Variants in MYH10 observed in about 807,000 individuals in gnomAD.
MYH10 encodes the protein myosin heavy chain 10, also known as myosin-10.
In MYH10, 55 loss-of-function variants were observed where a neutral mutation model predicts 257.8. The ratio of observed to expected loss-of-function variants is 0.21; its 90% CI spans 0.17 to 0.27. The LOEUF (loss-of-function observed/expected upper bound fraction) is 0.27, where lower values mean the gene tolerates loss of function less well. Ranked by LOEUF, MYH10 falls within the 10% of genes least tolerant of loss-of-function variation. The probability of loss-of-function intolerance (pLI) is 1.00; values close to 1 mark genes in which losing one functional copy is unlikely to be tolerated. For synonymous variants in MYH10, 854 were observed against 921.7 expected (o/e 0.93, Z 1.33); for missense variants, 1,631 against 2,500.6 (o/e 0.65, Z 7.42).
At position 8,504,464 on chromosome 17, in the gene MYH10, A is replaced by C. The variant is rs77369891; in HGVS notation, c.3599+230T>G. ...GACCACAGCTTTTCCGATCACATCC[A>C]TCTCCCTCTGTGTCCCTCAGTCTGC... On this transcript the variant is annotated intron_variant, in intron 28 of 42. Transcript: ENST00000360416. The surrounding 1 kb of genome is among the most constrained non-coding windows in gnomAD (Gnocchi z 5.6). 3.0e-4 allele frequency among the ~76,000 whole-genome samples: 46 copies of C among 152,178 alleles called. No homozygotes were observed. The East Asian group carries it at 8.7e-3, about 29-fold the overall frequency.
intron 2 of MYH10, among the ~76,000 whole-genome samples, chr17:8,621,248 G>A (rs1033732629): frequency 6.6e-6 from 1 of 152,092 alleles, no homozygotes; most frequent in African/African-American, 2.4e-5. Context: ...AATCTTACAT[G>A]TCGACATTAC....
At chr17:8,553,650 A>G (rs1454053915) in intron 8 of MYH10, among the ~76,000 whole-genome samples, 1 of 152,198 alleles carries the variant, frequency 6.6e-6, no homozygotes, top group Non-Finnish European at 1.5e-5. Flanking sequence ...AGTAGATGGT[A>G]AAAAGTGGGC....
At position 8,506,497 on chromosome 17, in the gene MYH10, G is replaced by GT; in HGVS notation, c.3215-9dup. The GT allele has an allele frequency of 6.2e-7, 1 of 1,609,846 alleles. No individual in the cohort carries two copies. The highest frequency in any genetic ancestry group is 8.5e-7 in the Non-Finnish European group (1 of 1,178,982). On this transcript the variant is annotated splice_polypyrimidine_tract_variant and intron_variant, in intron 26 of 42. Transcript: ENST00000360416. This position sits in a 1 kb window ranked among gnomAD's most constrained non-coding sequence, Gnocchi z 5.0. Reference sequence around the variant, plus strand: ...CTTCCTTCTTTAAGCGTTCTTTAAGGTAAGACATAAGAAGCTCTTCAACAC... The same window carrying GT: ...CTTCCTTCTTTAAGCGTTCTTTAAGGTTAAGACATAAGAAGCTCTTCAACAC...
Position 8,480,315 on chromosome 17 carries a change from C to T in MYH10, c.5392G>A (p.Asp1798Asn). Residue 1798 changes from aspartate (D) to asparagine (N), a missense_variant, in exon 40 of 43, where the codon GAC (aspartate) becomes AAC (asparagine). Around this residue, in one of 11 missense-constraint regions of MYH10, gnomAD observed 343 missense variants for 389.5 expected, o/e 0.88. Transcript: ENST00000360416. Reference protein sequence around the residue: ...DRFRKTTLQVDTLNAELAAER... With the variant: ...DRFRKTTLQVNTLNAELAAER... Reference sequence around the variant, plus strand: ...GCTGCTAGCTCGGCGTTCAGTGTGTCCACCTAGAGAGGAGAGAGGAGTTTA... The same window carrying T: ...GCTGCTAGCTCGGCGTTCAGTGTGTTCACCTAGAGAGGAGAGAGGAGTTTA... The T allele has an allele frequency of 2.5e-6, 4 of 1,614,048 alleles. No homozygotes were observed. The highest frequency in any genetic ancestry group is 3.4e-6 in the Non-Finnish European group (4 of 1,179,998).
At chr17:8,501,222 G>C (rs1486206663) in intron 28 of MYH10, among the ~76,000 whole-genome samples, 1 of 152,134 alleles carries the variant, frequency 6.6e-6, no homozygotes, top group Non-Finnish European at 1.5e-5. Flanking sequence ...GAGCCTGGGA[G>C]GTTGAGGCTA....
At position 8,579,198 on chromosome 17, in the gene MYH10, G is replaced by C. The variant is rs1023520509; in HGVS notation, c.531-1860C>G. On this transcript the variant is annotated intron_variant, in intron 4 of 42. Transcript: ENST00000360416. ...GGAGGCTGAGGTGGGAAGATCTCTC[G>C]AGCCTAGGAAGTTGAGGCTGCAGTG... Among the ~76,000 whole-genome samples the C allele has an allele frequency of 4.6e-5, 7 of 151,832 alleles. No individual in the cohort carries two copies. The South Asian group carries it at 6.2e-4, about 14-fold the overall frequency.
In MYH10 at chr17:8,515,709, AT is replaced by A. The variant is rs533696800; in HGVS notation, c.2505-1816del. ...AGGTGTGCACCACCATGCCTTGCTA[AT>A]TTTTTGTATTTTTAGTAGAGACAGG... On this transcript the variant is annotated intron_variant, in intron 21 of 42. Transcript: ENST00000360416. Among the ~76,000 whole-genome samples the A allele has an allele frequency of 2.2e-4, 34 of 151,326 alleles. No individual in the cohort carries two copies. The East Asian group carries it at 6.6e-3, about 29-fold the overall frequency.
Position 8,484,217 on chromosome 17 carries a change from C to G in MYH10, c.5096G>C (p.Arg1699Thr). 1.2e-6 allele frequency: 2 copies of G among 1,613,114 alleles called. No individual in the cohort carries two copies. The highest frequency in any genetic ancestry group is 1.7e-4 in the Middle Eastern group (1 of 6,056). ...TTTGGATTGAGCAAAAATCTCATCT[C>G]TGGATGCACGAGCTTCTTCTAATTC... Reference protein sequence around the residue: ...QRELEEARASRDEIFAQSKES... With the variant: ...QRELEEARASTDEIFAQSKES... Residue 1699 changes from arginine (R) to threonine (T), a missense_variant, in exon 37 of 43, where the codon AGA becomes ACA. Transcript: ENST00000360416.
chr17:8,580,480 C>T (rs1030333286), intron 4 of MYH10, among the ~76,000 whole-genome samples: 1 of 151,432 alleles, frequency 6.6e-6, no homozygotes, highest in African/African-American at 2.4e-5. Context: ...AAGTTCAAAA[C>T]AAGCAAGGAT....
At chr17:8,583,168 G>C (rs2083771936) in intron 4 of MYH10, among the ~76,000 whole-genome samples, 1 of 152,026 alleles carries the variant, frequency 6.6e-6, no homozygotes, top group South Asian at 2.1e-4. Flanking sequence ...ACATAACAGA[G>C]GTATTGCAAA....
intron 30 of MYH10, among the ~76,000 whole-genome samples, chr17:8,495,595 G>A (rs1043512233): frequency 2.6e-5 from 4 of 152,194 alleles, no homozygotes; most frequent in African/African-American, 4.8e-5. Context: ...GGAGGCTGAA[G>A]GCCAGCAGGT....
intron 4 of MYH10, among the ~76,000 whole-genome samples, chr17:8,585,159 C>T (rs370842975): frequency 2.7e-5 from 4 of 150,384 alleles, no homozygotes; most frequent in South Asian, 4.2e-4. Flanking sequence ...TTCTTTTGGT[C>T]GTACTACATA....
At position 8,552,764 on chromosome 17, in the gene MYH10, T is replaced by C. The variant is rs914320365; in HGVS notation, c.821-620A>G. Among the ~76,000 whole-genome samples, 1 of 152,146 alleles carries C rather than the reference T, an allele frequency of 6.6e-6. No individual in the cohort carries two copies. Among genetic ancestry groups the C allele is most frequent in the African/African-American group, 2.4e-5 (1 of 41,408 alleles). ...TATGCCTTGACAGCTACGATGAGAT[T>C]AAGCACTAGTCTTCCCTCTGCTGCT... is the stretch of plus-strand genomic sequence containing the variant. On this transcript the variant is annotated intron_variant, in intron 8 of 42. Transcript: ENST00000360416. The surrounding 1 kb of genome is among the most constrained non-coding windows in gnomAD (Gnocchi z 4.8).
At chr17:8,521,328 C>T in intron 17 of MYH10, 43 bp from the exon 18 acceptor site, 5 of 1,584,602 alleles carry the variant, frequency 3.2e-6, no homozygotes, top group Non-Finnish European at 3.5e-6. Flanking sequence ...CCAAACCTCA[C>T]TCGTTAGCAG....
intron 2 of MYH10, among the ~76,000 whole-genome samples, chr17:8,620,301 C>T (rs2085416935): frequency 1.3e-5 from 2 of 152,064 alleles, no homozygotes; most frequent in Admixed American, 1.3e-4. Context: ...TTTACAAATA[C>T]ACTTTTAAAT....
intron 21 of MYH10, among the ~76,000 whole-genome samples, chr17:8,514,577 T>C (rs1365783053): frequency 6.6e-6 from 1 of 152,072 alleles, no homozygotes; most frequent in Non-Finnish European, 1.5e-5. Flanking sequence ...GCCTTCACTC[T>C]ACTATTTTTC....
At chr17:8,622,835 A>C in intron 2 of MYH10, 67 bp downstream of exon 2, 1 of 1,516,980 alleles carries the variant, frequency 6.6e-7, no homozygotes, top group South Asian at 1.2e-5. Context: ...TTTGATTATG[A>C]CAAGATGTAT....
chr17:8,606,743 A>G (rs1425545931), intron 2 of MYH10, among the ~76,000 whole-genome samples: 1 of 152,222 alleles, frequency 6.6e-6, no homozygotes, highest in Non-Finnish European at 1.5e-5. Context: ...TAGAAGGGGC[A>G]AAGGGCCCTT....
chr17:8,560,919 G>C, intron 7 of MYH10: 1 of 482,512 alleles, frequency 2.1e-6, no homozygotes, highest in South Asian at 1.8e-5. Context: ...TCCGGGAATG[G>C]TGAGACTGGC....
Sources: allele counts gnomAD v4.1 joint callset (sites outside exome capture counted in the v4.1 genomes callset), GRCh38; gene constraint gnomAD v4.1.1; regional missense constraint gnomAD v4.1.1; non-coding constraint Gnocchi (gnomAD v3.1); transcripts MANE v1.5; gene names NCBI Gene and HGNC (gene_info 2026-07-23, HGNC 2026-07-21).